SOX5: variants seen among roughly 807,000 people sequenced by gnomAD.
SOX5 encodes the protein SRY-box transcription factor 5, also known as transcription factor SOX-5.
A neutral mutation model predicts 92.0 loss-of-function variants in SOX5; 9 were observed. The observed-to-expected ratio is 0.10, with a 90% CI of 0.06 to 0.17. The LOEUF is 0.17. Among genes scored for constraint, SOX5 ranks in the 10% least tolerant of loss-of-function variants. The pLI, the probability that SOX5 is intolerant of heterozygous loss-of-function variation, is 1.00. For synonymous variants in SOX5, 344 were observed against 336.3 expected (o/e 1.02, Z -0.25); for missense variants, 642 against 944.5 (o/e 0.68, Z 4.20).
intron 2 of SOX5, among the ~76,000 whole-genome samples, chr12:24,307,112 C>T (rs961557467): frequency 2.0e-5 from 3 of 152,122 alleles, no homozygotes; most frequent in African/African-American, 7.2e-5. Context: ...GTGGCATGCA[C>T]CTGTAGTCCA....
intron 11 of SOX5, among the ~76,000 whole-genome samples, chr12:23,547,572 T>A (rs1232223886): frequency 6.6e-6 from 1 of 151,738 alleles, no homozygotes; most frequent in African/African-American, 2.4e-5. Flanking sequence ...ACACAGTACA[T>A]GCTTTATCTC....
intron 8 of SOX5, among the ~76,000 whole-genome samples, chr12:23,627,010 G>A (rs1298480314): frequency 6.6e-6 from 1 of 152,172 alleles, no homozygotes; most frequent in East Asian, 1.9e-4. Flanking sequence ...TGGGAGGTTA[G>A]AATGGATCAT....
intron 4 of SOX5, among the ~76,000 whole-genome samples, chr12:24,186,258 C>T (rs1402003797): frequency 1.3e-5 from 2 of 152,008 alleles, no homozygotes; most frequent in African/African-American, 4.8e-5. Flanking sequence ...GGTGAGTGAA[C>T]ATAGGTTAAA....
intron 4 of SOX5, among the ~76,000 whole-genome samples, chr12:24,032,094 A>G (rs1293121862): frequency 6.6e-6 from 1 of 151,904 alleles, no homozygotes; most frequent in Non-Finnish European, 1.5e-5. Context: ...AAAACTCAAC[A>G]TTTAAATAGT....
At chr12:24,337,989 T>A (rs1952100691) in intron 2 of SOX5, among the ~76,000 whole-genome samples, 1 of 152,206 alleles carries the variant, frequency 6.6e-6, no homozygotes, top group South Asian at 2.1e-4. Context: ...GTACTCCAAG[T>A]TACTTTTAAA....
chr12:23,964,118 T>TAGC (rs1251253891), intron 4 of SOX5, among the ~76,000 whole-genome samples: 2 of 152,114 alleles, frequency 1.3e-5, no homozygotes, highest in African/African-American at 4.8e-5. Context: ...TATAGTTTGA[T>TAGC]AGCGTCACAC....
chr12:23,604,724 A>G (rs1349416645), intron 8 of SOX5, among the ~76,000 whole-genome samples, 191 bp from the exon 9 acceptor site: 1 of 152,222 alleles, frequency 6.6e-6, no homozygotes, highest in African/African-American at 2.4e-5. Flanking sequence ...GACAGATACT[A>G]CATATAAGTG....
chr12:23,610,407 A>G (rs1363962784), intron 8 of SOX5, among the ~76,000 whole-genome samples: 1 of 152,140 alleles, frequency 6.6e-6, no homozygotes, highest in Non-Finnish European at 1.5e-5. Context: ...ATCTATCAAG[A>G]TTTATTGCCC....
At chr12:23,536,811 T>G in intron 13 of SOX5, 142 bp from the exon 14 acceptor site, 1 of 664,098 alleles carries the variant, frequency 1.5e-6, no homozygotes. Context: ...ATTAGTGAGA[T>G]CCCACAAGAA....
intron 1 of SOX5, among the ~76,000 whole-genome samples, chr12:24,420,431 T>C (rs973574375): frequency 5.3e-5 from 8 of 152,158 alleles, no homozygotes; most frequent in Non-Finnish European, 5.9e-5. Flanking sequence ...GATGAGACCA[T>C]TTGAGCCTCA....
At chr12:23,790,304 C>T (rs1471803485) in intron 3 of SOX5, among the ~76,000 whole-genome samples, 3 of 152,016 alleles carry the variant, frequency 2.0e-5, no homozygotes, top group Non-Finnish European at 4.4e-5. Flanking sequence ...TCTTAAGTGT[C>T]ATGATTTGCA....
At chr12:24,006,596 T>C (rs1398382020) in intron 4 of SOX5, among the ~76,000 whole-genome samples, 1 of 152,214 alleles carries the variant, frequency 6.6e-6, no homozygotes, top group East Asian at 1.9e-4. Context: ...CCTTCCAGGA[T>C]TGTCTTCATC....
At chr12:24,163,996 T>C (rs532694998) in intron 4 of SOX5, among the ~76,000 whole-genome samples, 6 of 152,252 alleles carry the variant, frequency 3.9e-5, no homozygotes, top group Non-Finnish European at 7.4e-5. Flanking sequence ...AATTAAATAG[T>C]ATAGTATATG....
intron 4 of SOX5, among the ~76,000 whole-genome samples, chr12:24,056,303 T>C (rs1958095955): frequency 6.6e-6 from 1 of 152,174 alleles, no homozygotes; most frequent in South Asian, 2.1e-4. Flanking sequence ...AAGAGATGAA[T>C]GATGTTTTGA....
intron 3 of SOX5, among the ~76,000 whole-genome samples, chr12:24,275,893 T>C (rs1369161579): frequency 1.3e-5 from 2 of 152,090 alleles, no homozygotes; most frequent in African/African-American, 4.8e-5. Flanking sequence ...CAAATTACTC[T>C]CCCCTAGTTA....
At chr12:23,653,089 A>T (rs981933690) in intron 7 of SOX5, among the ~76,000 whole-genome samples, 4 of 125,068 alleles carry the variant, frequency 3.2e-5, no homozygotes, top group Admixed American at 2.4e-4. Context: ...GATGGATGCC[A>T]GTATGATCTC....
At position 23,531,752 on chromosome 12, in the gene SOX5, G is replaced by C. The variant is rs1939134321; in HGVS notation, c.*2467C>G. ...TGGCAATTAAATAACTAAAATGAGT[G>C]ATGAGAGCATAAGTTAATTAAGATT... On this transcript the variant is annotated 3_prime_UTR_variant, in exon 15 of 15. Coordinates refer to ENST00000451604, the MANE Select transcript of SOX5 (RefSeq NM_006940.6). 6.6e-6 allele frequency: 1 copy of C among 151,990 alleles called. No individual in the cohort carries two copies. The highest frequency in any genetic ancestry group is 6.6e-5 in the Admixed American group (1 of 15,262). 9.4% of individuals were successfully genotyped at this position (151,990 alleles called of 1,614,324 possible). A position where few individuals can be genotyped will look rare whatever the true frequency, so the allele number is the denominator to read the frequency against.
Position 23,795,575 on chromosome 12 carries a change from G to A in SOX5, c.482-39851C>T, listed in dbSNP as rs184350346. Among the ~76,000 whole-genome samples, 103 of 152,200 alleles carry A rather than the reference G, an allele frequency of 6.8e-4. 1 individual carries two copies. Among genetic ancestry groups the A allele is most frequent in the East Asian group, 3.9e-4 (2 of 5,164 alleles). ...GGTTTTTGTGATGTGGGATAAGCAC[G>A]TATGTGAGTGTGTGAGAGTGTGTGC... On this transcript the variant is annotated intron_variant, in intron 3 of 14. Transcript: ENST00000451604.
chr12:23,837,946 T>G (rs1280238449), intron 3 of SOX5, among the ~76,000 whole-genome samples: 4 of 121,360 alleles, frequency 3.3e-5, no homozygotes, highest in Non-Finnish European at 6.3e-5. Flanking sequence ...TATATTTATA[T>G]TTATATAGTA....
Sources: allele counts gnomAD v4.1 joint callset (sites outside exome capture counted in the v4.1 genomes callset), GRCh38; gene constraint gnomAD v4.1.1; transcripts MANE v1.5; gene names NCBI Gene and HGNC (gene_info 2026-07-23, HGNC 2026-07-21).